The following KCNQ5 variants were observed in gnomAD, a reference collection of about 807,000 sequenced individuals.
The protein encoded by KCNQ5 is potassium voltage-gated channel subfamily Q member 5, also known as potassium voltage-gated channel subfamily KQT member 5.
A neutral mutation model predicts 98.2 loss-of-function variants in KCNQ5; 30 were observed. The observed-to-expected ratio is 0.31, with a 90% confidence interval of 0.23 to 0.41. KCNQ5 has a LOEUF of 0.41. KCNQ5 is among the 10% of genes least tolerant of loss of function. The pLI, the probability that KCNQ5 is intolerant of heterozygous loss-of-function variation, is 1.00. For missense variants in KCNQ5, 835 were observed against 1,182.5 expected, an observed-to-expected ratio of 0.71 and a Z score of 4.31; for synonymous variants, 458 against 449.4, an observed-to-expected ratio of 1.02 and a Z score of -0.24.
chr6:73,100,320 A>G (rs1562178546), intron 5 of KCNQ5, among the ~76,000 whole-genome samples: 1 of 152,170 alleles, frequency 6.6e-6, no homozygotes, highest in Non-Finnish European at 1.5e-5. Context: ...TAGTAGGAGA[A>G]AGGAAATAAA....
chr6:73,083,313 T>C (rs980322906), intron 5 of KCNQ5, among the ~76,000 whole-genome samples: 1 of 152,096 alleles, frequency 6.6e-6, no homozygotes, highest in Non-Finnish European at 1.5e-5. Flanking sequence ...TTTACGAAAA[T>C]AGAATGCTTT....
chr6:73,184,449 C>G (rs965372905), intron 11 of KCNQ5, among the ~76,000 whole-genome samples: 2 of 152,172 alleles, frequency 1.3e-5, no homozygotes, highest in Non-Finnish European at 2.9e-5. Flanking sequence ...CTAAGGCATT[C>G]TTTTTAGAAG....
chr6:73,165,096 A>T (rs1319913951), intron 10 of KCNQ5, among the ~76,000 whole-genome samples: 1 of 152,024 alleles, frequency 6.6e-6, no homozygotes, highest in African/African-American at 2.4e-5. Flanking sequence ...CTCCCTCTTC[A>T]GCCTCCTGAG....
intron 1 of KCNQ5, among the ~76,000 whole-genome samples, chr6:72,891,455 T>C (rs906572737): frequency 1.3e-5 from 2 of 152,196 alleles, no homozygotes; most frequent in Non-Finnish European, 2.9e-5. Flanking sequence ...AGATCACCTA[T>C]GATTTTAATA....
At chr6:72,662,047 T>G (rs1390118363) in intron 1 of KCNQ5, among the ~76,000 whole-genome samples, 1 of 152,196 alleles carries the variant, frequency 6.6e-6, no homozygotes, top group Non-Finnish European at 1.5e-5. Flanking sequence ...ATTTTCTTCC[T>G]TCTCCTAAAC....
chr6:73,001,240 C>T (rs1769555516), intron 1 of KCNQ5, among the ~76,000 whole-genome samples: 1 of 152,166 alleles, frequency 6.6e-6, no homozygotes, highest in South Asian at 2.1e-4. Flanking sequence ...ACTTATCTGC[C>T]TCTGCCTTTC....
chr6:73,190,642 C>A lies in KCNQ5; in HGVS notation c.1647C>A (p.Val549=). 3.1e-6 allele frequency: 5 copies of A among 1,593,172 alleles called. No homozygotes were observed. In the South Asian group the frequency reaches 4.6e-5, roughly 15 times the overall value. ...TACGTCCATATGATGTAAAAGATGT[C>A]ATTGAACAATATTCTGCTGGTCATC... ...ETLRPYDVKD[V]IEQYSAGHLD... Residue 549 remains valine, a synonymous_variant, in exon 12 of 14, where the codon GTC becomes GTA. Transcript: ENST00000370398.
At chr6:72,690,684 G>T (rs898420986) in intron 1 of KCNQ5, among the ~76,000 whole-genome samples, 2 of 151,102 alleles carry the variant, frequency 1.3e-5, no homozygotes, top group African/African-American at 4.9e-5. Context: ...CTCTAATGGG[G>T]CAGCCCATGC....
intron 1 of KCNQ5, among the ~76,000 whole-genome samples, chr6:72,768,149 G>T (rs1165731476): frequency 2.0e-5 from 3 of 152,012 alleles, no homozygotes; most frequent in Non-Finnish European, 4.4e-5. Flanking sequence ...GCAGGGATGT[G>T]TCAGAGATAG....
At chr6:72,765,636 G>A (rs565108387) in intron 1 of KCNQ5, among the ~76,000 whole-genome samples, 1 of 152,032 alleles carries the variant, frequency 6.6e-6, no homozygotes, top group East Asian at 1.9e-4. Flanking sequence ...TAAGGCAGAC[G>A]TGTGGATTCA....
chr6:73,111,283 G>T, intron 6 of KCNQ5, 25 bp from the exon 7 acceptor site: 1 of 1,544,248 alleles, frequency 6.5e-7, no homozygotes, highest in Non-Finnish European at 8.9e-7. Flanking sequence ...AAATTTTTGA[G>T]TGCCATTTTT....
rs571630000 is a variant in KCNQ5 at position 72,660,139 on chromosome 6, T to G, written c.398+37552T>G. ...GTGTTATGAATATTATTAATAATAG[T>G]ATAAGCTAATGTGTGTTGATCACTT... On this transcript the variant is annotated intron_variant, in intron 1 of 13. Coordinates refer to ENST00000370398, the MANE Select transcript of KCNQ5 (RefSeq NM_019842.4). 5.9e-5 allele frequency among the ~76,000 whole-genome samples: 9 copies of G among 152,356 alleles called. 1 individual carries two copies. In the South Asian group the frequency reaches 1.7e-3, roughly 28 times the overall value.
chr6:73,134,309 T>G (rs536501409), intron 10 of KCNQ5: 1 of 158,188 alleles, frequency 6.3e-6, no homozygotes, highest in East Asian at 1.8e-4. Context: ...TAAAATAAAA[T>G]ATTTTATTTT....
At chr6:72,896,289 A>T (rs1163210250) in intron 1 of KCNQ5, among the ~76,000 whole-genome samples, 1 of 152,202 alleles carries the variant, frequency 6.6e-6, no homozygotes, top group African/African-American at 2.4e-5. Flanking sequence ...GCAGACAAAA[A>T]GCAAGTTTTA....
intron 11 of KCNQ5, among the ~76,000 whole-genome samples, chr6:73,182,306 A>G (rs1778429512): frequency 6.6e-6 from 1 of 152,222 alleles, no homozygotes; most frequent in Admixed American, 6.5e-5. Context: ...AGCAAAGACC[A>G]TACAACCCAC....
intron 1 of KCNQ5, among the ~76,000 whole-genome samples, chr6:72,804,304 C>A (rs1352353881): frequency 2.0e-5 from 3 of 151,894 alleles, no homozygotes; most frequent in African/African-American, 7.2e-5. Context: ...TTAACCATCC[C>A]CACTACCCCC....
intron 1 of KCNQ5, among the ~76,000 whole-genome samples, chr6:72,741,016 A>G (rs1771104883): frequency 6.6e-6 from 1 of 152,164 alleles, no homozygotes; most frequent in South Asian, 2.1e-4. Flanking sequence ...GAAAAACTTA[A>G]AAGTGTCAGG....
At chr6:72,798,553 C>A (rs903809088) in intron 1 of KCNQ5, among the ~76,000 whole-genome samples, 1 of 152,146 alleles carries the variant, frequency 6.6e-6, no homozygotes, top group Non-Finnish European at 1.5e-5. Flanking sequence ...AACACAGGCC[C>A]CTTGGACTTC....
intron 1 of KCNQ5, among the ~76,000 whole-genome samples, chr6:72,876,265 A>G (rs896206999): frequency 6.6e-6 from 1 of 152,146 alleles, no homozygotes; most frequent in African/African-American, 2.4e-5. Context: ...TTAATATTCC[A>G]TTGGTTTATG....
Sources: gnomAD v4.1 joint callset for allele counts (sites outside exome capture counted in the v4.1 genomes callset) on GRCh38, gnomAD v4.1.1 for gene constraint, MANE v1.5 for transcripts, NCBI Gene and HGNC (gene_info 2026-07-23, HGNC 2026-07-21) for gene names.